The following MGLL variants were observed in gnomAD, a reference collection of about 807,000 sequenced individuals.
MGLL encodes monoglyceride lipase, also known as lysophospholipase homolog.
MGLL carries 7 observed loss-of-function variants against 29.1 expected under a neutral mutation model. That is an observed-to-expected ratio of 0.24 (90% CI 0.14 to 0.45). MGLL has a LOEUF of 0.45. Ranked by LOEUF, MGLL falls within the 20% of genes least tolerant of loss-of-function variation. The pLI is 0.99. For missense variants in MGLL, 356 were observed against 413.6 expected (o/e 0.86, Z 1.21); for synonymous variants, 148 against 168.3 (o/e 0.88, Z 0.93).
At chr3:127,784,693 TTCTG>T (rs1169262026) in intron 2 of MGLL, among the ~76,000 whole-genome samples, 3 of 152,144 alleles carry the variant, frequency 2.0e-5, no homozygotes, top group Non-Finnish European at 2.9e-5. Context: ...CCTGGACTCA[TTCTG>T]ATCTTCAGCT....
At chr3:127,821,399 C>T (rs1161679622) in intron 2 of MGLL, among the ~76,000 whole-genome samples, 4 of 152,038 alleles carry the variant, frequency 2.6e-5, no homozygotes, top group Non-Finnish European at 4.4e-5. Flanking sequence ...CCTGTACAAC[C>T]GGAAATCAAC....
intron 3 of MGLL, among the ~76,000 whole-genome samples, chr3:127,757,893 G>A (rs1293325636): frequency 6.6e-6 from 1 of 152,214 alleles, no homozygotes; most frequent in Admixed American, 6.5e-5. Flanking sequence ...CACTGGTGGG[G>A]CACCTAGCAC....
At chr3:127,813,977 T>C (rs1436407334) in intron 2 of MGLL, among the ~76,000 whole-genome samples, 4 of 151,834 alleles carry the variant, frequency 2.6e-5, no homozygotes, top group African/African-American at 7.3e-5. Context: ...CTTCCCCTCT[T>C]CTCTTCTTCC....
chr3:127,820,402 T>A (rs1576329277), intron 2 of MGLL, among the ~76,000 whole-genome samples: 2 of 152,342 alleles, frequency 1.3e-5, no homozygotes, highest in East Asian at 3.9e-4. Context: ...GTGCCAGGAC[T>A]GCAGAACCTC....
At chr3:127,822,528 C>G, upstream of MGLL, 1 of 606,048 alleles carries the variant, frequency 1.7e-6, no homozygotes, top group Non-Finnish European at 2.9e-6. Flanking sequence ...GGCTCCCCTC[C>G]CTCCCCAGGG....
chr3:127,709,678 T>G (rs2075671604), intron 6 of MGLL, among the ~76,000 whole-genome samples: 1 of 152,194 alleles, frequency 6.6e-6, no homozygotes, highest in Admixed American at 6.5e-5. Flanking sequence ...TTCAAACTCC[T>G]AAAGCAAGAG....
At chr3:127,810,259 T>G (rs1576317909) in intron 2 of MGLL, among the ~76,000 whole-genome samples, 1 of 152,204 alleles carries the variant, frequency 6.6e-6, no homozygotes, top group East Asian at 1.9e-4. Flanking sequence ...GCAAGAAAAT[T>G]AATTTCTGTT....
At chr3:127,770,323 G>A (rs1240111227) in intron 3 of MGLL, among the ~76,000 whole-genome samples, 1 of 152,116 alleles carries the variant, frequency 6.6e-6, no homozygotes, top group African/African-American at 2.4e-5. Flanking sequence ...TAATCCCACT[G>A]TAATGCCTCA....
intron 6 of MGLL, among the ~76,000 whole-genome samples, chr3:127,709,244 A>G (rs190603145): frequency 1.1e-4 from 17 of 152,342 alleles, no homozygotes; most frequent in Non-Finnish European, 2.1e-4. Context: ...AATGGGTCCA[A>G]CCTGGCCCCA....
chr3:127,741,784 C>T (rs1447032586), intron 3 of MGLL, among the ~76,000 whole-genome samples: 2 of 152,228 alleles, frequency 1.3e-5, no homozygotes, highest in Non-Finnish European at 2.9e-5. Context: ...ATGTAACAAG[C>T]ATTTCCTAAA....
At chr3:127,758,523 C>G (rs367969431) in intron 3 of MGLL, among the ~76,000 whole-genome samples, 1 of 152,198 alleles carries the variant, frequency 6.6e-6, no homozygotes, top group Non-Finnish European at 1.5e-5. Context: ...GTTTTTCAAG[C>G]TAGACAGAAG....
intron 2 of MGLL, among the ~76,000 whole-genome samples, chr3:127,794,150 A>G (rs2077345232): frequency 6.6e-6 from 1 of 152,040 alleles, no homozygotes; most frequent in Non-Finnish European, 1.5e-5. Context: ...TCTCTACCAA[A>G]AATACAAAAA....
Position 127,696,502 on chromosome 3 carries a change from C to T in MGLL, c.601-1312G>A, listed in dbSNP as rs551751073. Among the ~76,000 whole-genome samples the T allele has an allele frequency of 2.1e-5, 3 of 142,462 alleles. 1 individual carries two copies. Among genetic ancestry groups the T allele is most frequent in the South Asian group, 4.5e-4 (2 of 4,418 alleles). The allele number at this position is 142,462 out of a possible 152,430, so 93.5% of individuals were successfully genotyped here. A position where few individuals can be genotyped will look rare whatever the true frequency, so the allele number is the denominator to read the frequency against. ...GATCTTGGCTCGCTGCAGCCTCTGC[C>T]TCCAGGGTTCAAGTGATTCTGCTAC... On this transcript the variant is annotated intron_variant, in intron 6 of 7. Transcript: ENST00000265052.
intron 2 of MGLL, among the ~76,000 whole-genome samples, chr3:127,817,917 C>T (rs1160345868): frequency 1.3e-5 from 2 of 152,252 alleles, no homozygotes; most frequent in South Asian, 2.1e-4. Flanking sequence ...TCTCCATCGC[C>T]GTGCTGATAG....
intron 2 of MGLL, among the ~76,000 whole-genome samples, chr3:127,793,031 T>C (rs2077327137): frequency 6.6e-6 from 1 of 152,350 alleles, no homozygotes; most frequent in South Asian, 2.1e-4. Context: ...GGAGCAATGA[T>C]GTTGATTGTC....
At position 127,722,553 on chromosome 3, in the gene MGLL, C is replaced by T. The variant is rs1559923364; in HGVS notation, c.276G>A (p.Gln92=). 6.2e-7 allele frequency: 1 copy of T among 1,614,272 alleles called. No homozygotes were observed. The highest frequency in any genetic ancestry group is 8.5e-7 in the Non-Finnish European group (1 of 1,180,052). ...VFAHDHVGHG[Q]SEGERMVVSD... is the part of the protein sequence containing the mutation. The stretch of plus-strand genomic sequence containing the variant: ...ACACTACCATCCTCTCCCCTTCGCT[C>T]TGTCCGTGGCCAACTGGAAAGGAAC... The change falls in exon 4 of 8, where the codon CAG becomes CAA. Residue 92 remains glutamine, a synonymous_variant. Coordinates refer to ENST00000265052, the MANE Select transcript of MGLL (RefSeq NM_007283.7).
chr3:127,756,237 C>G (rs1200341939), intron 3 of MGLL, among the ~76,000 whole-genome samples: 1 of 152,106 alleles, frequency 6.6e-6, no homozygotes. Context: ...TTAAGTATGT[C>G]TTTTTATTCT....
intron 3 of MGLL, among the ~76,000 whole-genome samples, chr3:127,769,976 G>T (rs139918495): frequency 3.3e-5 from 5 of 152,126 alleles, no homozygotes; most frequent in Admixed American, 3.3e-4. Context: ...TCCCCAGGCC[G>T]CTCTGCTGCA....
chr3:127,768,477 A>G (rs1385292566), intron 3 of MGLL, among the ~76,000 whole-genome samples: 2 of 152,166 alleles, frequency 1.3e-5, no homozygotes, highest in Admixed American at 6.5e-5. Context: ...GCTTCTGTAC[A>G]GCTGGTGTGT....
Sources: gnomAD v4.1 joint callset for allele counts (sites outside exome capture counted in the v4.1 genomes callset) on GRCh38, gnomAD v4.1.1 for gene constraint, MANE v1.5 for transcripts, NCBI Gene and HGNC (gene_info 2026-07-23, HGNC 2026-07-21) for gene names.